MCPH1: variants seen among roughly 807,000 people sequenced by gnomAD.
MCPH1 encodes the protein microcephalin.
Under a neutral mutation model 84.5 loss-of-function variants are expected in MCPH1, and 104 were observed. That is an observed-to-expected ratio of 1.23 (90% CI 1.05 to 1.45). The LOEUF (loss-of-function observed/expected upper bound fraction) is 1.45. MCPH1 is among the 40% of genes most tolerant of loss of function. MCPH1 has a pLI of 0.00. For missense variants in MCPH1, 1,498 were observed against 1,005.7 expected, an observed-to-expected ratio of 1.49 and a Z score of -6.62; for synonymous variants, 514 against 366.8, an observed-to-expected ratio of 1.40 and a Z score of -4.58.
At chr8:6,447,409 T>A in intron 8 of MCPH1, 18 of 985,430 alleles carry the variant, frequency 1.8e-5, no homozygotes, top group Non-Finnish European at 2.2e-5. Context: ...GCCATTTCTG[T>A]TTTCAGTTCA....
intron 11 of MCPH1, among the ~76,000 whole-genome samples, chr8:6,490,544 G>C (rs1388977449): frequency 6.6e-6 from 1 of 152,160 alleles, no homozygotes; most frequent in African/African-American, 2.4e-5. Flanking sequence ...CTTTTGAAGA[G>C]AGCTGATGTA....
intron 11 of MCPH1, among the ~76,000 whole-genome samples, chr8:6,484,691 G>A (rs543593469): frequency 2.0e-5 from 3 of 152,214 alleles, no homozygotes; most frequent in East Asian, 1.9e-4. Flanking sequence ...CTCAGGAGTC[G>A]AAAGGAATGG....
intron 11 of MCPH1, among the ~76,000 whole-genome samples, chr8:6,495,470 A>G (rs189952854): frequency 6.6e-6 from 1 of 152,366 alleles, no homozygotes; most frequent in Non-Finnish European, 1.5e-5. Context: ...AATCCAAAAC[A>G]GCATACAAAC....
intron 12 of MCPH1, among the ~76,000 whole-genome samples, chr8:6,545,773 T>C (rs1822473265): frequency 6.6e-6 from 1 of 152,174 alleles, no homozygotes; most frequent in African/African-American, 2.4e-5. Context: ...AGGAAGAAAA[T>C]GATTTGTGCT....
intron 12 of MCPH1, among the ~76,000 whole-genome samples, chr8:6,610,601 C>T (rs1457306539): frequency 2.0e-5 from 3 of 152,118 alleles, no homozygotes; most frequent in African/African-American, 7.2e-5. Context: ...TTTTTAGCTC[C>T]CTGGTTTAAG....
intron 3 of MCPH1, among the ~76,000 whole-genome samples, chr8:6,428,381 T>C (rs772632263): frequency 7.2e-5 from 11 of 152,180 alleles, no homozygotes; most frequent in Non-Finnish European, 1.5e-4. Flanking sequence ...GTGATCACTG[T>C]TGTGTATGTG....
chr8:6,524,940 C>T (rs1277143475), intron 12 of MCPH1, among the ~76,000 whole-genome samples: 2 of 152,232 alleles, frequency 1.3e-5, no homozygotes, highest in African/African-American at 4.8e-5. Context: ...TCCTGTGTCA[C>T]AAGGGCAGAC....
At chr8:6,548,107 T>A (rs1329221446) in intron 12 of MCPH1, among the ~76,000 whole-genome samples, 1 of 152,060 alleles carries the variant, frequency 6.6e-6, no homozygotes, top group Non-Finnish European at 1.5e-5. Context: ...TACATTGGAG[T>A]TTTGGCTGCT....
chr8:6,454,735 A>G (rs1487272068), intron 8 of MCPH1, among the ~76,000 whole-genome samples: 1 of 152,190 alleles, frequency 6.6e-6, no homozygotes, highest in African/African-American at 2.4e-5. Flanking sequence ...TATTTTCTAG[A>G]AAATCTCAAA....
At chr8:6,451,141 C>G (rs1015183980) in intron 8 of MCPH1, among the ~76,000 whole-genome samples, 1 of 152,208 alleles carries the variant, frequency 6.6e-6, no homozygotes, top group East Asian at 1.9e-4. Context: ...AAATAATTCA[C>G]AAGTGTATTA....
intron 11 of MCPH1, among the ~76,000 whole-genome samples, chr8:6,487,798 T>A (rs943459402): frequency 6.6e-6 from 1 of 152,232 alleles, no homozygotes; most frequent in Non-Finnish European, 1.5e-5. Flanking sequence ...GACTTTATAC[T>A]TCACAGAGTG....
chr8:6,521,387 G>A (rs1362746634), intron 12 of MCPH1: 2 of 1,611,180 alleles, frequency 1.2e-6, no homozygotes, highest in Non-Finnish European at 8.5e-7. Flanking sequence ...GTCTTCCATA[G>A]CTAGCACCTT....
intron 12 of MCPH1, among the ~76,000 whole-genome samples, chr8:6,557,403 C>T (rs1232943595): frequency 6.6e-6 from 1 of 152,116 alleles, no homozygotes; most frequent in African/African-American, 2.4e-5. Flanking sequence ...GACTCAGAGC[C>T]ACCCTGTTGC....
chr8:6,615,835 C>G (rs1256), intron 12 of MCPH1: 32,462 of 152,010 alleles, frequency 0.21, 4,107 homozygotes, highest in Non-Finnish European at 0.29. Flanking sequence ...CAGTGGGCAC[C>G]GCAATTGGAG....
At chr8:6,476,218 C>T (rs1384001875) in intron 9 of MCPH1, among the ~76,000 whole-genome samples, 2 of 151,980 alleles carry the variant, frequency 1.3e-5, no homozygotes, top group Non-Finnish European at 2.9e-5. Flanking sequence ...CACCTGAGGT[C>T]AGGAGTTGGA....
chr8:6,568,288 G>A (rs548474028), intron 12 of MCPH1, among the ~76,000 whole-genome samples: 1 of 152,110 alleles, frequency 6.6e-6, no homozygotes, highest in South Asian at 2.1e-4. Flanking sequence ...AGCTGAATGT[G>A]GAATGTGGAC....
chr8:6,589,470 A>G (rs1230966505), intron 12 of MCPH1, among the ~76,000 whole-genome samples: 1 of 152,200 alleles, frequency 6.6e-6, no homozygotes, highest in East Asian at 1.9e-4. Context: ...GCTTTCTGAC[A>G]TCAGCGTGCA....
chr8:6,413,735 G>C (rs752332010), intron 2 of MCPH1, among the ~76,000 whole-genome samples: 18 of 149,142 alleles, frequency 1.2e-4, no homozygotes, highest in African/African-American at 4.4e-4. Flanking sequence ...TTCTGATCAT[G>C]TTGCGTGAAT....
intron 3 of MCPH1, among the ~76,000 whole-genome samples, chr8:6,427,895 C>T (rs1299638787): frequency 2.0e-5 from 3 of 151,342 alleles, no homozygotes; most frequent in South Asian, 2.1e-4. Flanking sequence ...CAGGTTCAAG[C>T]GATTCTCCTG....
Sources: gnomAD v4.1 joint callset for allele counts (sites outside exome capture counted in the v4.1 genomes callset) on GRCh38, gnomAD v4.1.1 for gene constraint, MANE v1.5 for transcripts, NCBI Gene and HGNC (gene_info 2026-07-23, HGNC 2026-07-21) for gene names.